Variants in PARP15 observed in about 807,000 individuals in gnomAD.
The protein encoded by PARP15 is poly(ADP-ribose) polymerase family member 15, also known as protein mono-ADP-ribosyltransferase PARP15.
PARP15 carries 50 observed loss-of-function variants against 62.1 expected under a neutral mutation model. That is an observed-to-expected ratio of 0.81 (90% CI 0.64 to 1.02). The LOEUF is 1.02. Ranked by LOEUF, PARP15 falls within the 50% of genes least tolerant of loss-of-function variation. The probability of loss-of-function intolerance (pLI) is 0.00; values close to 1 mark genes in which losing one functional copy is unlikely to be tolerated. For synonymous variants in PARP15, 309 were observed against 293.1 expected (o/e 1.05, Z -0.55); for missense variants, 820 against 826.5 (o/e 0.99, Z 0.10).
intron 8 of PARP15, 74 bp from the exon 9 acceptor site, chr3:122,626,753 G>T: frequency 5.1e-6 from 7 of 1,368,194 alleles, no homozygotes; most frequent in Non-Finnish European, 7.1e-6. Context: ...TCAGCACTGA[G>T]AACTGGATTT....
At chr3:122,627,817 T>C (rs1297028992) in intron 9 of PARP15, among the ~76,000 whole-genome samples, 1 of 152,242 alleles carries the variant, frequency 6.6e-6, no homozygotes, top group Non-Finnish European at 1.5e-5. Context: ...TTCTCCTTGG[T>C]GTGCTACAAC....
intron 1 of PARP15, among the ~76,000 whole-genome samples, chr3:122,602,361 A>C (rs979199035): frequency 1.3e-5 from 2 of 152,102 alleles, no homozygotes; most frequent in African/African-American, 4.8e-5. Flanking sequence ...TGCCCCTAGG[A>C]GGGACAAATG....
At chr3:122,628,007 C>T (rs530990720) in intron 9 of PARP15, among the ~76,000 whole-genome samples, 33 of 152,322 alleles carry the variant, frequency 2.2e-4, no homozygotes, top group Non-Finnish European at 2.9e-4. Context: ...CAGTTTGGTC[C>T]AGGTGCTCAT....
chr3:122,624,619 C>T (rs944182959), intron 8 of PARP15, among the ~76,000 whole-genome samples: 2 of 152,152 alleles, frequency 1.3e-5, no homozygotes, highest in Non-Finnish European at 2.9e-5. Flanking sequence ...AGTAAAATTT[C>T]AAAAGTAGGA....
chr3:122,620,941 GAGA>G (rs1389076888), intron 7 of PARP15, among the ~76,000 whole-genome samples: 6 of 152,180 alleles, frequency 3.9e-5, no homozygotes, highest in Non-Finnish European at 8.8e-5. Context: ...CTGAGCCAAG[GAGA>G]AGTTTTCATC....
chr3:122,587,150 A>G (rs1576476567), intron 1 of PARP15, among the ~76,000 whole-genome samples: 5 of 152,326 alleles, frequency 3.3e-5, no homozygotes, highest in Admixed American at 3.3e-4. Context: ...GCACTAAATG[A>G]TAGTCCCTTG....
At position 122,606,656 on chromosome 3, in the gene PARP15, G is replaced by A. The variant is rs1935181312; in HGVS notation, c.306+601G>A. On this transcript the variant is annotated intron_variant, in intron 2 of 11. Transcript: ENST00000464300. ...TGGCTGCAGATCATAATCATCCGGG[G>A]GACCTTTTAAAAATACGGACTCCCA... 2.0e-5 allele frequency among the ~76,000 whole-genome samples: 3 copies of A among 152,192 alleles called. No individual in the cohort carries two copies. The South Asian group carries it at 6.2e-4, about 32-fold the overall frequency.
At chr3:122,593,090 G>GTCTATCTATCTATCTATCTATCTA (rs3052715) in intron 1 of PARP15, among the ~76,000 whole-genome samples, 2,014 of 147,842 alleles carry the variant, frequency 0.014, 22 homozygotes, top group Middle Eastern at 0.024. Flanking sequence ...AAAATTATCT[G>GTCTATCTATCTATCTATCTATCTA]TCTATCTATC....
At chr3:122,613,913 T>C (rs1935760428) in intron 4 of PARP15, among the ~76,000 whole-genome samples, 1 of 144,212 alleles carries the variant, frequency 6.9e-6, no homozygotes. Context: ...CGGCGTGATC[T>C]CAGCTCAATG....
Position 122,621,456 on chromosome 3 carries a change from AC to A in PARP15, c.1077del (p.His359GlnfsTer5). 6.2e-7 allele frequency: 1 copy of A among 1,611,424 alleles called. No homozygotes were observed. ...TCCTTTTTTTCAGCTGCACAGCCTC[AC>A]AGAGATTTTATAATTACACCAGGTG... ...SECAVLAAQP[H>X]RDFIITPGGC... is the part of the protein sequence containing the mutation. On this transcript the variant is annotated frameshift_variant, in exon 8 of 12. Transcript: ENST00000464300. LOFTEE classifies it high-confidence loss of function.
chr3:122,618,753 A>G (rs1936148788), intron 6 of PARP15, among the ~76,000 whole-genome samples: 1 of 152,160 alleles, frequency 6.6e-6, no homozygotes, highest in South Asian at 2.1e-4. Flanking sequence ...TGTTTAAGAG[A>G]ACATCTGTGG....
chr3:122,577,897 T>C (rs1276157434), intron 1 of PARP15, 44 bp downstream of exon 1: 3 of 1,486,546 alleles, frequency 2.0e-6, no homozygotes, highest in Non-Finnish European at 2.7e-6. Flanking sequence ...ACAGCAGGGC[T>C]GAGCCTGGGG....
intron 9 of PARP15, among the ~76,000 whole-genome samples, chr3:122,630,080 G>A (rs1419910291): frequency 2.6e-5 from 4 of 152,176 alleles, no homozygotes; most frequent in Non-Finnish European, 4.4e-5. Context: ...TCAAAGAGCT[G>A]TATGGGAAGA....
intron 5 of PARP15, 137 bp downstream of exon 5, chr3:122,615,994 G>A: frequency 1.3e-6 from 1 of 798,236 alleles, no homozygotes; most frequent in South Asian, 1.6e-5. Flanking sequence ...GTTAGAGCAT[G>A]TCCCATTGTC....
chr3:122,621,023 A>T (rs550309591), intron 7 of PARP15, among the ~76,000 whole-genome samples: 2 of 152,260 alleles, frequency 1.3e-5, no homozygotes, highest in East Asian at 3.9e-4. Flanking sequence ...CTGAATGTGC[A>T]TAGAAATTGC....
chr3:122,629,909 T>C (rs1433687615), intron 9 of PARP15, among the ~76,000 whole-genome samples: 3 of 152,072 alleles, frequency 2.0e-5, no homozygotes, highest in Non-Finnish European at 4.4e-5. Flanking sequence ...GCTCAGGTGG[T>C]AATGTGAATG....
Position 122,577,792 on chromosome 3 carries a change from T to A in PARP15, c.125T>A (p.Val42Glu). The A allele has an allele frequency of 6.4e-7, 1 of 1,550,810 alleles. No homozygotes were observed. The highest frequency in any genetic ancestry group is 8.7e-7 in the Non-Finnish European group (1 of 1,146,692). ...RAGRDREAGS[V>E]LPAGNRGARK... Reference sequence around the variant, plus strand: ...GGACGAGATCGGGAGGCGGGGAGCGTGCTGCCGGCCGGGAACCGTGGGGCG... The same window carrying A: ...GGACGAGATCGGGAGGCGGGGAGCGAGCTGCCGGCCGGGAACCGTGGGGCG... Residue 42 changes from valine to glutamate, a missense_variant, in exon 1 of 12, where the codon GTG (valine) becomes GAG (glutamate). Val to Glu is a moderately radical substitution (Grantham distance 121). This residue lies in a region of PARP15 where 731 missense variants were observed against 727.7 expected (regional missense o/e 1.00). Transcript: ENST00000464300.
At chr3:122,594,959 C>T (rs896606254) in intron 1 of PARP15, 36 of 790,902 alleles carry the variant, frequency 4.6e-5, no homozygotes, top group Non-Finnish European at 5.4e-5. Flanking sequence ...AGGGTTCAGC[C>T]CTGGTTGAGT....
intron 2 of PARP15, 60 bp from the exon 3 acceptor site, chr3:122,610,434 C>T: frequency 1.4e-6 from 2 of 1,396,990 alleles, no homozygotes; most frequent in South Asian, 1.4e-5. Flanking sequence ...AGTAAATTTA[C>T]AGTTGCTCCA....
Sources: gnomAD v4.1 joint callset for allele counts (sites outside exome capture counted in the v4.1 genomes callset) on GRCh38, gnomAD v4.1.1 for gene constraint, gnomAD v4.1.1 regional missense constraint, MANE v1.5 for transcripts, NCBI Gene and HGNC (gene_info 2026-07-23, HGNC 2026-07-21) for gene names.